Variants in PRKCA observed in about 807,000 individuals in gnomAD.
The protein encoded by PRKCA is protein kinase C alpha type.
Under a neutral mutation model 87.0 loss-of-function variants are expected in PRKCA, and 27 were observed. The observed-to-expected ratio is 0.31, with a 90% confidence interval of 0.23 to 0.43. PRKCA has a LOEUF of 0.43. Among genes scored for constraint, PRKCA ranks in the 20% least tolerant of loss-of-function variants. The pLI, the probability that PRKCA is intolerant of heterozygous loss-of-function variation, is 1.00. For synonymous variants in PRKCA, 329 were observed against 311.1 expected, an observed-to-expected ratio of 1.06 and a Z score of -0.61; for missense variants, 518 against 852.3, an observed-to-expected ratio of 0.61 and a Z score of 4.88.
intron 3 of PRKCA, among the ~76,000 whole-genome samples, chr17:66,617,468 T>G (rs16959725): frequency 0.03 from 4,603 of 152,194 alleles, 111 homozygotes; most frequent in East Asian, 0.15. Context: ...GCAAATTTGA[T>G]GATGAACCAG....
intron 2 of PRKCA, among the ~76,000 whole-genome samples, chr17:66,354,722 C>T (rs1479491090): frequency 6.6e-6 from 1 of 152,084 alleles, no homozygotes; most frequent in African/African-American, 2.4e-5. Context: ...ATTTCTCCAG[C>T]CGAGAAGCAG....
chr17:66,462,751 C>A (rs62070450), intron 2 of PRKCA, among the ~76,000 whole-genome samples: 11 of 152,036 alleles, frequency 7.2e-5, no homozygotes, highest in Non-Finnish European at 1.3e-4. Flanking sequence ...TTTTTGCTTT[C>A]TATAAAAATG....
At chr17:66,460,462 C>T (rs548267990) in intron 2 of PRKCA, among the ~76,000 whole-genome samples, 16 of 152,332 alleles carry the variant, frequency 1.1e-4, no homozygotes, top group African/African-American at 3.8e-4. Flanking sequence ...CCACCCCTTT[C>T]ATCCTTTACC....
At chr17:66,708,965 G>C (rs965272167) in intron 8 of PRKCA, among the ~76,000 whole-genome samples, 4 of 152,134 alleles carry the variant, frequency 2.6e-5, no homozygotes, top group African/African-American at 9.7e-5. Flanking sequence ...GACTTTTAAA[G>C]GCCCATAATG....
intron 13 of PRKCA, among the ~76,000 whole-genome samples, chr17:66,742,982 G>T (rs1306135985): frequency 2.0e-5 from 3 of 152,182 alleles, no homozygotes; most frequent in Admixed American, 1.3e-4. Context: ...TGCTCCATGT[G>T]AGCCAGTTGC....
chr17:66,748,524 A>G (rs1161616045), intron 13 of PRKCA, among the ~76,000 whole-genome samples: 1 of 152,188 alleles, frequency 6.6e-6, no homozygotes, highest in Non-Finnish European at 1.5e-5. Context: ...AGGAGGGCAA[A>G]TGTTCATGAA....
chr17:66,330,701 T>C (rs1366188429), intron 2 of PRKCA, among the ~76,000 whole-genome samples: 1 of 152,148 alleles, frequency 6.6e-6, no homozygotes, highest in Non-Finnish European at 1.5e-5. Flanking sequence ...GAAAAAGGTA[T>C]TTGGAAGATT....
intron 13 of PRKCA, among the ~76,000 whole-genome samples, chr17:66,751,588 T>A (rs1974428004): frequency 6.6e-6 from 1 of 152,230 alleles, no homozygotes. Flanking sequence ...ATACAAGCAG[T>A]TATTTTGTTC....
intron 3 of PRKCA, among the ~76,000 whole-genome samples, chr17:66,542,253 T>G (rs969151309): frequency 2.0e-5 from 3 of 152,226 alleles, no homozygotes; most frequent in African/African-American, 7.2e-5. Flanking sequence ...CTTAGGATTT[T>G]CACGATGTGG....
intron 10 of PRKCA, among the ~76,000 whole-genome samples, chr17:66,737,868 G>T (rs748071468): frequency 2.0e-5 from 3 of 152,218 alleles, no homozygotes; most frequent in Non-Finnish European, 4.4e-5. Context: ...AAGAAATGAA[G>T]ATGAAATTAA....
chr17:66,780,536 C>T (rs1267696572), intron 14 of PRKCA, among the ~76,000 whole-genome samples: 1 of 151,704 alleles, frequency 6.6e-6, no homozygotes, highest in Admixed American at 6.6e-5. Flanking sequence ...ATTAGTTGGG[C>T]GTGGTGGTGC....
At chr17:66,618,331 G>T (rs1419763712) in intron 3 of PRKCA, among the ~76,000 whole-genome samples, 1 of 145,846 alleles carries the variant, frequency 6.9e-6, no homozygotes, top group South Asian at 2.2e-4. Flanking sequence ...CTCCAGCCTG[G>T]CCAATGAGTG....
intron 16 of PRKCA, among the ~76,000 whole-genome samples, chr17:66,795,946 A>G (rs1975655106): frequency 6.6e-6 from 1 of 152,110 alleles, no homozygotes; most frequent in Non-Finnish European, 1.5e-5. Context: ...CTATCAGCAA[A>G]CTCATCAACG....
chr17:66,688,904 G>C lies in PRKCA; in HGVS notation c.822-47G>C, dbSNP rs376057546. 8.1e-5 allele frequency: 101 copies of C among 1,243,324 alleles called. No homozygotes were observed. In the East Asian group the frequency reaches 8.9e-4, roughly 11 times the overall value. 77.0% of individuals were successfully genotyped at this position (1,243,324 alleles called of 1,614,324 possible). The stretch of plus-strand genomic sequence containing the variant: ...CGCTCGACTAGAGGCTGCAGGAAAG[G>C]CTTGTTAAACTTGCGGTGGTAACTC... On this transcript the variant is annotated intron_variant, in intron 7 of 16. Coordinates refer to ENST00000413366, the MANE Select transcript of PRKCA (RefSeq NM_002737.3).
chr17:66,671,740 G>A (rs960551441), intron 5 of PRKCA, among the ~76,000 whole-genome samples: 2 of 152,220 alleles, frequency 1.3e-5, no homozygotes, highest in Admixed American at 1.3e-4. Flanking sequence ...TACCTGGATG[G>A]AGAAAGCCGA....
intron 8 of PRKCA, among the ~76,000 whole-genome samples, chr17:66,727,082 G>C (rs942279906): frequency 1.1e-4 from 17 of 152,160 alleles, no homozygotes; most frequent in African/African-American, 4.1e-4. Context: ...TTTGGGGAGG[G>C]GTTTTGCTGC....
At chr17:66,554,235 C>T (rs1330538000) in intron 3 of PRKCA, among the ~76,000 whole-genome samples, 1 of 126,252 alleles carries the variant, frequency 7.9e-6, no homozygotes, top group Non-Finnish European at 1.6e-5. Flanking sequence ...GACCCCGTCT[C>T]TATGAAAAAA....
intron 2 of PRKCA, among the ~76,000 whole-genome samples, chr17:66,460,943 C>T (rs2319524): frequency 0.064 from 9,698 of 152,160 alleles, 1,029 homozygotes; most frequent in African/African-American, 0.22. Context: ...TGATGGCTCA[C>T]GCCTGTAATC....
rs72843699 is a variant in PRKCA, at chr17:66,548,598, C to T, written c.288+52315C>T. 5.3e-3 allele frequency among the ~76,000 whole-genome samples: 803 copies of T among 152,086 alleles called. 8 individuals carry two copies. The highest frequency in any genetic ancestry group is 8.6e-3 in the Admixed American group (131 of 15,274). On this transcript the variant is annotated intron_variant, in intron 3 of 16. Transcript: ENST00000413366. ...GCCCTCTCTCATGCATATCTGTATCCCAATCCCTGGAACCTGTAAATATTG... is the reference window on the plus strand; with the variant it reads ...GCCCTCTCTCATGCATATCTGTATCTCAATCCCTGGAACCTGTAAATATTG...
Sources: allele counts gnomAD v4.1 joint callset (sites outside exome capture counted in the v4.1 genomes callset), GRCh38; gene constraint gnomAD v4.1.1; transcripts MANE v1.5; gene names NCBI Gene and HGNC (gene_info 2026-07-23, HGNC 2026-07-21).